Variants in TMEM67 observed in about 807,000 individuals in gnomAD.
The protein encoded by TMEM67 is meckelin.
A neutral mutation model predicts 136.6 loss-of-function variants in TMEM67; 124 were observed. The ratio of observed to expected loss-of-function variants is 0.91; its 90% CI spans 0.78 to 1.05. The LOEUF (loss-of-function observed/expected upper bound fraction) is 1.05. Ranked by LOEUF, TMEM67 falls within the 50% of genes least tolerant of loss-of-function variation. The pLI is 0.00. For synonymous variants in TMEM67, 364 were observed against 390.5 expected, an observed-to-expected ratio of 0.93 and a Z score of 0.80; for missense variants, 1,107 against 1,178.4, an observed-to-expected ratio of 0.94 and a Z score of 0.89.
intron 7 of TMEM67, among the ~76,000 whole-genome samples, chr8:93,775,187 C>T (rs546491581): frequency 2.2e-3 from 333 of 152,246 alleles, no homozygotes; most frequent in Non-Finnish European, 3.8e-3. Context: ...ATCCTTTGCC[C>T]ACTTTTTGAT....
At chr8:93,771,319 GTTAAC>G (rs1813322886) in intron 6 of TMEM67, among the ~76,000 whole-genome samples, 1 of 150,792 alleles carries the variant, frequency 6.6e-6, no homozygotes, top group Non-Finnish European at 1.5e-5. Flanking sequence ...GTTATAATCT[GTTAAC>G]TTTTTTTATT....
At position 93,781,538 on chromosome 8, in the gene TMEM67, T is replaced by G. The variant is rs2130667591; in HGVS notation, c.979-120T>G. On this transcript the variant is annotated intron_variant, in intron 9 of 27. Transcript: ENST00000453321. ...GAAATAGATTAATTGAACCTCAAAA[T>G]AAAGATAATTGAATGTAATTTTTCA... 4 of 535,594 alleles carry G rather than the reference T, an allele frequency of 7.5e-6. No individual in the cohort carries two copies. In the South Asian group the frequency reaches 1.3e-4, roughly 18 times the overall value. The allele number at this position is 535,594 out of a possible 1,614,324, so 33.2% of individuals were successfully genotyped here.
intron 26 of TMEM67, among the ~76,000 whole-genome samples, chr8:93,814,499 T>C (rs1049604826): frequency 1.3e-5 from 2 of 151,534 alleles, no homozygotes; most frequent in Non-Finnish European, 2.9e-5. Flanking sequence ...CTTGCTCTGT[T>C]GCCCAGGCTA....
At chr8:93,782,569 TGG>T in intron 11 of TMEM67, 109 bp downstream of exon 11, 2 of 779,730 alleles carry the variant, frequency 2.6e-6, no homozygotes, top group Non-Finnish European at 2.0e-6. Flanking sequence ...TTTTTATTCT[TGG>T]TTTTTTTTTT....
chr8:93,812,113 C>T (rs971581819), intron 26 of TMEM67, among the ~76,000 whole-genome samples: 3 of 148,800 alleles, frequency 2.0e-5, no homozygotes, highest in African/African-American at 7.5e-5. Flanking sequence ...CGCACCATTG[C>T]ACTCCAACCT....
At chr8:93,824,819 A>G in the TMEM67 span, among the ~76,000 whole-genome samples, 1 of 152,142 alleles carries the variant, frequency 6.6e-6, no homozygotes, top group Non-Finnish European at 1.5e-5. Flanking sequence ...GGTTCAAGCA[A>G]TTCTCCCACC....
chr8:93,787,979 A>G (rs760253675), intron 14 of TMEM67, 30 bp downstream of exon 14: 3 of 1,484,528 alleles, frequency 2.0e-6, no homozygotes, highest in Admixed American at 3.3e-5. Context: ...GTGCCCTTGT[A>G]TGTATAAATA....
At position 93,765,424 on chromosome 8, in the gene TMEM67, A is replaced by G. The variant is rs1813037776; in HGVS notation, c.525A>G (p.Pro175=). 1 of 1,611,870 alleles carries G rather than the reference A, an allele frequency of 6.2e-7. No homozygotes were observed. ...TGAACAGGTGCGTCCGATGTGAGCC[A>G]ACATTTGTTAATACCAGCAGGTCCT... ...ALGDRCVRCE[P]TFVNTSRSCA... Residue 175 remains proline, a synonymous_variant, in exon 5 of 28, where the codon CCA becomes CCG. Transcript: ENST00000453321.
chr8:93,800,632 T>TA (rs758533974), intron 21 of TMEM67, among the ~76,000 whole-genome samples: 17 of 152,106 alleles, frequency 1.1e-4, no homozygotes, highest in Non-Finnish European at 1.8e-4. Flanking sequence ...CCAGGAAGGC[T>TA]AAAAAAATTG....
the TMEM67 span, among the ~76,000 whole-genome samples, chr8:93,825,684 G>A: frequency 1.3e-5 from 2 of 152,198 alleles, no homozygotes; most frequent in Non-Finnish European, 2.9e-5. Context: ...GAATGAAAGC[G>A]ATGAAGTGGT....
Position 93,803,589 on chromosome 8 carries a change from G to A in TMEM67, c.2242-15G>A. 1.3e-6 allele frequency: 2 copies of A among 1,515,600 alleles called. No individual in the cohort carries two copies. The highest frequency in any genetic ancestry group is 1.8e-6 in the Non-Finnish European group (2 of 1,090,816). 93.9% of individuals were successfully genotyped at this position (1,515,600 alleles called of 1,614,324 possible). A position where few individuals can be genotyped will look rare whatever the true frequency, so the allele number is the denominator to read the frequency against. ...CCTAAAAGCTAATAAGCATAAACTT[G>A]ACTTAATGTTTCAGGTCGTGTTCTT... is the stretch of plus-strand genomic sequence containing the variant. On this transcript the variant is annotated splice_polypyrimidine_tract_variant and intron_variant, in intron 21 of 27. Coordinates refer to ENST00000453321, the MANE Select transcript of TMEM67 (RefSeq NM_153704.6).
intron 16 of TMEM67, among the ~76,000 whole-genome samples, chr8:93,794,002 C>T (rs1307886264): frequency 6.6e-6 from 1 of 152,134 alleles, no homozygotes; most frequent in Non-Finnish European, 1.5e-5. Flanking sequence ...AGCAATTCTC[C>T]TGCCTCAGCC....
At chr8:93,797,273 C>T (rs1370288039) in intron 19 of TMEM67, 40 bp downstream of exon 19, 55 of 1,611,406 alleles carry the variant, frequency 3.4e-5, no homozygotes, top group Non-Finnish European at 4.4e-5. Flanking sequence ...AATTCTTTTG[C>T]TACCCTTGCA....
intron 7 of TMEM67, among the ~76,000 whole-genome samples, chr8:93,773,895 A>G (rs1490530086): frequency 6.6e-6 from 1 of 152,170 alleles, no homozygotes; most frequent in Non-Finnish European, 1.5e-5. Context: ...TTAACCTAAA[A>G]TTTACAATTA....
chr8:93,758,601 A>T, intron 3 of TMEM67, 25 bp downstream of exon 3: 2 of 1,530,110 alleles, frequency 1.3e-6, no homozygotes, highest in Non-Finnish European at 1.8e-6. Flanking sequence ...CCTTATAAAG[A>T]AGTAGTGATA....
chr8:93,795,679 C>T (rs909453639), intron 17 of TMEM67, among the ~76,000 whole-genome samples, 172 bp downstream of exon 17: 1 of 152,032 alleles, frequency 6.6e-6, no homozygotes, highest in African/African-American at 2.4e-5. Context: ...CACTATCTTC[C>T]TCTTTTATGC....
chr8:93,768,694 T>A (rs114514776), intron 6 of TMEM67, among the ~76,000 whole-genome samples: 230 of 152,300 alleles, frequency 1.5e-3, no homozygotes, highest in African/African-American at 5.3e-3. Context: ...ACCTTTCCCT[T>A]TGATAAGTTT....
intron 6 of TMEM67, among the ~76,000 whole-genome samples, chr8:93,770,477 T>C (rs868612338): frequency 5.3e-5 from 8 of 152,196 alleles, no homozygotes; most frequent in African/African-American, 1.9e-4. Flanking sequence ...AAGGGATACC[T>C]AGGATCCAAT....
intron 26 of TMEM67, among the ~76,000 whole-genome samples, chr8:93,813,071 C>T (rs1586097345): frequency 6.6e-6 from 1 of 151,942 alleles, no homozygotes; most frequent in African/African-American, 2.4e-5. Context: ...CACCTTCTTT[C>T]TTCCTTCTTC....
Sources: allele counts gnomAD v4.1 joint callset (sites outside exome capture counted in the v4.1 genomes callset), GRCh38; gene constraint gnomAD v4.1.1; transcripts MANE v1.5; gene names NCBI Gene and HGNC (gene_info 2026-07-23, HGNC 2026-07-21).